The following ABCB1 variants were observed in gnomAD, a reference collection of about 807,000 sequenced individuals.
ABCB1 encodes the protein ATP-dependent translocase ABCB1.
In ABCB1, 69 loss-of-function variants were observed where a neutral mutation model predicts 142.0. That is an observed-to-expected ratio of 0.49 (90% CI 0.40 to 0.59). ABCB1 has a LOEUF of 0.59. ABCB1 is among the 20% of genes least tolerant of loss of function. The pLI, the probability that ABCB1 is intolerant of heterozygous loss-of-function variation, is 0.00. For missense variants in ABCB1, 1,326 were observed against 1,554.7 expected (o/e 0.85, Z 2.47); for synonymous variants, 532 against 539.2 (o/e 0.99, Z 0.18).
intron 1 of ABCB1, among the ~76,000 whole-genome samples, chr7:87,695,796 G>A (rs1208873898): frequency 6.6e-6 from 1 of 152,016 alleles, no homozygotes; most frequent in Non-Finnish European, 1.5e-5. Context: ...TTCTTAGAAG[G>A]TCTTATTCTG....
chr7:87,509,456 C>T lies in ABCB1; in HGVS notation c.3308G>A (p.Arg1103Gln), dbSNP rs1266372866. The change falls in exon 26 of 28, where the codon CGA becomes CAA. Residue 1103 changes from arginine to glutamine, a missense_variant. Physicochemically the swap from Arg to Gln is conservative, Grantham distance 43. Coordinates refer to ENST00000622132, the MANE Select transcript of ABCB1 (RefSeq NM_001348946.2). ...KVLLDGKEIK[R>Q]LNVQWLRAHL... is the part of the protein sequence containing the mutation. The stretch of plus-strand genomic sequence containing the variant: ...TGCTCGGAGCCACTGAACATTCAGT[C>T]GCTTTATTTCTTTGCCATCAAGCAG... The T allele has an allele frequency of 6.2e-6, 10 of 1,614,060 alleles. No homozygotes were observed. The highest frequency in any genetic ancestry group is 1.3e-5 in the African/African-American group (1 of 75,028).
intron 21 of ABCB1, among the ~76,000 whole-genome samples, chr7:87,530,062 A>G (rs1815965872): frequency 6.6e-6 from 1 of 152,256 alleles, no homozygotes; most frequent in Admixed American, 6.5e-5. Flanking sequence ...CTGAAGAGAT[A>G]GCAGAGAGGT....
chr7:87,600,251 A>G (rs1276496947), intron 1 of ABCB1, 61 bp from the exon 2 acceptor site: 2 of 1,364,140 alleles, frequency 1.5e-6, no homozygotes, highest in Non-Finnish European at 2.1e-6. Context: ...TGGAGGTGAG[A>G]CTAACCTCTA....
At position 87,551,000 on chromosome 7, in the gene ABCB1, A is replaced by T. The variant is rs111441475; in HGVS notation, c.1000-162T>A. Among the ~76,000 whole-genome samples, 531 of 152,304 alleles carry T rather than the reference A, an allele frequency of 3.5e-3. 3 individuals are homozygous for T. The highest frequency in any genetic ancestry group is 0.012 in the African/African-American group (514 of 41,570). The stretch of plus-strand genomic sequence containing the variant: ...AATATTTTAAAAGTTTGTAACTAAC[A>T]GTACATTTAATTCCTTTTTTCATTT... On this transcript the variant is annotated intron_variant, in intron 9 of 27. Coordinates refer to ENST00000622132, the MANE Select transcript of ABCB1 (RefSeq NM_001348946.2).
At chr7:87,523,587 A>C (rs1293872985) in intron 21 of ABCB1, among the ~76,000 whole-genome samples, 1 of 152,210 alleles carries the variant, frequency 6.6e-6, no homozygotes, top group Non-Finnish European at 1.5e-5. Context: ...GCGTCACTGC[A>C]CTCTAGCCTG....
intron 13 of ABCB1, 36 bp from the exon 14 acceptor site, chr7:87,549,554 A>T: frequency 6.2e-7 from 1 of 1,614,092 alleles, no homozygotes; most frequent in South Asian, 1.1e-5. Flanking sequence ...TAGCATAAGG[A>T]CAAGCTATCT....
intron 14 of ABCB1, 126 bp from the exon 15 acceptor site, chr7:87,546,150 C>T: frequency 1.2e-6 from 1 of 849,066 alleles, no homozygotes; most frequent in Non-Finnish European, 1.9e-6. Flanking sequence ...TATAAGATAG[C>T]CTCTGACTTC....
chr7:87,643,859 AG>A (rs1362998038), intron 1 of ABCB1, among the ~76,000 whole-genome samples: 1 of 150,398 alleles, frequency 6.6e-6, no homozygotes, highest in Non-Finnish European at 1.5e-5. Context: ...ATTTGAAGAA[AG>A]AAGGGAAATT....
At chr7:87,544,038 T>G in intron 17 of ABCB1, 91 bp downstream of exon 17, 3 of 1,504,200 alleles carry the variant, frequency 2.0e-6, no homozygotes. Flanking sequence ...ATTTTGTTGT[T>G]TTTGTATCCC....
chr7:87,697,996 A>G (rs1049107031), intron 1 of ABCB1, among the ~76,000 whole-genome samples: 1 of 152,252 alleles, frequency 6.6e-6, no homozygotes, highest in Non-Finnish European at 1.5e-5. Flanking sequence ...GGAAATTTTT[A>G]GTTAAAAGAA....
At chr7:87,697,201 A>G (rs894026450) in intron 1 of ABCB1, among the ~76,000 whole-genome samples, 3 of 152,186 alleles carry the variant, frequency 2.0e-5, no homozygotes, top group Non-Finnish European at 4.4e-5. Context: ...GTGGTTACCT[A>G]TTTGGATTAC....
At position 87,509,486 on chromosome 7, in the gene ABCB1, A is replaced by G; in HGVS notation, c.3283-5T>C. Reference sequence around the variant, plus strand: ...TATTTCTTTGCCATCAAGCAGCTGAAAACAAGAGTTCACAGATCAACTTCA... The same window carrying G: ...TATTTCTTTGCCATCAAGCAGCTGAGAACAAGAGTTCACAGATCAACTTCA... On this transcript the variant is annotated splice_polypyrimidine_tract_variant and splice_region_variant and intron_variant, in intron 25 of 27. Transcript: ENST00000622132. 6.2e-7 allele frequency: 1 copy of G among 1,613,914 alleles called. No homozygotes were observed. Among genetic ancestry groups the G allele is most frequent in the South Asian group, 1.1e-5 (1 of 91,082 alleles).
At chr7:87,644,391 G>A (rs1278449333) in intron 1 of ABCB1, among the ~76,000 whole-genome samples, 1 of 152,202 alleles carries the variant, frequency 6.6e-6, no homozygotes, top group African/African-American at 2.4e-5. Flanking sequence ...TCACCCCTGT[G>A]TTAGAGACTA....
At chr7:87,708,326 A>C (rs2130731926) in intron 1 of ABCB1, among the ~76,000 whole-genome samples, 1 of 152,294 alleles carries the variant, frequency 6.6e-6, no homozygotes, top group Non-Finnish European at 1.5e-5. Flanking sequence ...TATATCTCAC[A>C]GACATTAAAA....
At chr7:87,541,673 T>G (rs563484780) in intron 17 of ABCB1, among the ~76,000 whole-genome samples, 1 of 152,322 alleles carries the variant, frequency 6.6e-6, no homozygotes, top group Admixed American at 6.5e-5. Context: ...CATAAATTGA[T>G]CCAGTATTTT....
chr7:87,597,818 A>C (rs1010808919), intron 2 of ABCB1, among the ~76,000 whole-genome samples: 1 of 152,184 alleles, frequency 6.6e-6, no homozygotes, highest in Non-Finnish European at 1.5e-5. Flanking sequence ...GCTAATATCT[A>C]ATGCACATTC....
chr7:87,710,480 G>A (rs938451142), intron 1 of ABCB1: 1 of 712,796 alleles, frequency 1.4e-6, no homozygotes, highest in Non-Finnish European at 2.4e-6. Context: ...TTGAATGGCT[G>A]TTCTTTACAT....
intron 1 of ABCB1, among the ~76,000 whole-genome samples, chr7:87,646,930 T>C (rs947314381): frequency 6.6e-6 from 1 of 152,210 alleles, no homozygotes; most frequent in Non-Finnish European, 1.5e-5. Context: ...TGTTACTTCC[T>C]ATATGTTATT....
intron 1 of ABCB1, among the ~76,000 whole-genome samples, chr7:87,685,029 G>A (rs917277814): frequency 6.6e-6 from 1 of 151,986 alleles, no homozygotes; most frequent in African/African-American, 2.4e-5. Flanking sequence ...GTTTAATTAG[G>A]CAAACAGATT....
Sources: gnomAD v4.1 joint callset for allele counts (sites outside exome capture counted in the v4.1 genomes callset) on GRCh38, gnomAD v4.1.1 for gene constraint, MANE v1.5 for transcripts, NCBI Gene and HGNC (gene_info 2026-07-23, HGNC 2026-07-21) for gene names.